Variants in EPC1 observed in about 807,000 individuals in gnomAD.
The protein encoded by EPC1 is enhancer of polycomb homolog 1.
A neutral mutation model predicts 98.4 loss-of-function variants in EPC1; 12 were observed. The observed-to-expected ratio is 0.12, with a 90% CI of 0.08 to 0.20. EPC1 has a LOEUF of 0.20. Among genes scored for constraint, EPC1 ranks in the 10% least tolerant of loss-of-function variants. EPC1 has a pLI of 1.00. For synonymous variants in EPC1, 357 were observed against 363.9 expected, an observed-to-expected ratio of 0.98 and a Z score of 0.21; for missense variants, 729 against 990.5, an observed-to-expected ratio of 0.74 and a Z score of 3.54.
At chr10:32,308,918 G>A (rs1836033034) in intron 1 of EPC1, among the ~76,000 whole-genome samples, 1 of 152,176 alleles carries the variant, frequency 6.6e-6, no homozygotes, top group Non-Finnish European at 1.5e-5. Context: ...TAAAGGAAAT[G>A]TGGAACTACA....
At chr10:32,305,654 A>T in intron 2 of EPC1, 118 bp downstream of exon 2, 1 of 715,066 alleles carries the variant, frequency 1.4e-6, no homozygotes, top group Non-Finnish European at 2.1e-6. Flanking sequence ...ACTAACTCTT[A>T]AGCTGATGCT....
chr10:32,290,505 A>AAG lies in EPC1; in HGVS notation c.975+657_975+658insCT, dbSNP rs1554819134. 3.1e-3 allele frequency among the ~76,000 whole-genome samples: 239 copies of AAG among 77,510 alleles called. 2 individuals carry two copies. The highest frequency in any genetic ancestry group is 0.022 in the Middle Eastern group (2 of 90). 50.8% of individuals were successfully genotyped at this position (77,510 alleles called of 152,430 possible). On this transcript the variant is annotated intron_variant, in intron 6 of 13. Transcript: ENST00000319778. ...TGTCAAAAAAAAAAAAAAAAAAAAA[A>AAG]AAAGAAAGAAAGAAAAACTCATCTG...
chr10:32,374,409 C>T (rs1221990113), intron 1 of EPC1: 1 of 152,156 alleles, frequency 6.6e-6, no homozygotes, highest in Non-Finnish European at 1.5e-5. Flanking sequence ...CTCAGAGGGA[C>T]ATGCCCAAAA....
intron 6 of EPC1, among the ~76,000 whole-genome samples, chr10:32,288,165 G>T (rs1441866609): frequency 1.3e-5 from 2 of 151,990 alleles, no homozygotes; most frequent in Non-Finnish European, 2.9e-5. Flanking sequence ...AAACCATAAG[G>T]CATCTCTCCA....
intron 1 of EPC1, among the ~76,000 whole-genome samples, chr10:32,330,250 G>C (rs2132963892): frequency 6.6e-6 from 1 of 152,274 alleles, no homozygotes; most frequent in African/African-American, 2.4e-5. Flanking sequence ...GCAAGAGATG[G>C]CAATACCTTG....
chr10:32,347,091 C>CCGCTCCTCTCT lies in EPC1; in HGVS notation c.-187_-177dup. 2 of 1,443,368 alleles carry CCGCTCCTCTCT rather than the reference C, an allele frequency of 1.4e-6. No homozygotes were observed. Among genetic ancestry groups the CCGCTCCTCTCT allele is most frequent in the South Asian group, 2.9e-5 (2 of 69,040 alleles). The allele number at this position is 1,443,368 out of a possible 1,614,324, so 89.4% of individuals were successfully genotyped here. ...CGGGAGGGTGGGAGGCTGTGCCGCT[C>CCGCTCCTCTCT]CGCTCCTCTCTCGCTCGCTCTCTTC... On this transcript the variant is annotated 5_prime_UTR_variant, in exon 1 of 14. Coordinates refer to ENST00000319778, the MANE Select transcript of EPC1 (RefSeq NM_001272004.3).
At chr10:32,345,483 A>G in intron 1 of EPC1, 1 of 985,474 alleles carries the variant, frequency 1.0e-6, no homozygotes, top group East Asian at 1.1e-4. Flanking sequence ...TTCCACAACA[A>G]AATTGTAGCA....
chr10:32,308,649 T>C (rs1836014711), intron 1 of EPC1, among the ~76,000 whole-genome samples: 3 of 152,184 alleles, frequency 2.0e-5, no homozygotes, highest in African/African-American at 7.2e-5. Flanking sequence ...TCATTAAAAA[T>C]GTTCCCACAG....
intron 1 of EPC1, among the ~76,000 whole-genome samples, chr10:32,371,427 C>T (rs534607066): frequency 6.6e-6 from 1 of 152,288 alleles, no homozygotes; most frequent in African/African-American, 2.4e-5. Flanking sequence ...CAAAATGACA[C>T]AGATTCAGGT....
At chr10:32,341,464 C>T (rs1258935102) in intron 1 of EPC1, among the ~76,000 whole-genome samples, 1 of 152,176 alleles carries the variant, frequency 6.6e-6, no homozygotes, top group African/African-American at 2.4e-5. Context: ...CCTGCCCACA[C>T]ATTCATGAAC....
upstream of EPC1, among the ~76,000 whole-genome samples, chr10:32,348,702 G>A (rs999962417): frequency 6.6e-6 from 1 of 152,182 alleles, no homozygotes; most frequent in African/African-American, 2.4e-5. Flanking sequence ...TGTGTATTGA[G>A]CCCTCATAGC....
intron 1 of EPC1, among the ~76,000 whole-genome samples, chr10:32,327,928 A>C (rs1428307501): frequency 6.6e-6 from 1 of 152,212 alleles, no homozygotes; most frequent in East Asian, 1.9e-4. Context: ...CAATTTTAAA[A>C]ACCCTAACAT....
upstream of EPC1, among the ~76,000 whole-genome samples, chr10:32,351,431 T>C (rs796442972): frequency 2.6e-5 from 4 of 151,656 alleles, no homozygotes; most frequent in African/African-American, 9.7e-5. Context: ...CCGAGGAGAG[T>C]GGATCACCTG....
intron 1 of EPC1, among the ~76,000 whole-genome samples, chr10:32,373,355 A>C (rs1466398006): frequency 1.3e-5 from 2 of 152,252 alleles, no homozygotes; most frequent in Non-Finnish European, 2.9e-5. Flanking sequence ...AAATTAGCCC[A>C]CAAGTGACAT....
chr10:32,353,182 G>T (rs565564904), intron 1 of EPC1, among the ~76,000 whole-genome samples: 278 of 146,914 alleles, frequency 1.9e-3, no homozygotes, highest in Non-Finnish European at 3.5e-3. Context: ...AGCAAAAAAA[G>T]AAATCCCTGG....
chr10:32,296,495 T>C (rs868790345), intron 2 of EPC1, among the ~76,000 whole-genome samples: 3 of 152,158 alleles, frequency 2.0e-5, no homozygotes, highest in Non-Finnish European at 4.4e-5. Context: ...AAAGGATGAT[T>C]TCTATCATAT....
intron 2 of EPC1, among the ~76,000 whole-genome samples, chr10:32,303,832 A>G (rs1379868729): frequency 2.6e-5 from 4 of 152,232 alleles, no homozygotes. Flanking sequence ...AGATTGTACC[A>G]ATTTCAATTT....
At chr10:32,359,631 T>C (rs1839380516) in intron 1 of EPC1, among the ~76,000 whole-genome samples, 1 of 152,190 alleles carries the variant, frequency 6.6e-6, no homozygotes, top group Non-Finnish European at 1.5e-5. Context: ...TGAATGATAG[T>C]TTTACCCTAT....
intron 1 of EPC1, among the ~76,000 whole-genome samples, chr10:32,337,326 T>C (rs1564554608): frequency 6.6e-6 from 1 of 152,218 alleles, no homozygotes; most frequent in South Asian, 2.1e-4. Context: ...CTCAGCCCTA[T>C]GAGCTTCCCA....
Sources: gnomAD v4.1 joint callset for allele counts (sites outside exome capture counted in the v4.1 genomes callset) on GRCh38, gnomAD v4.1.1 for gene constraint, MANE v1.5 for transcripts, NCBI Gene and HGNC (gene_info 2026-07-23, HGNC 2026-07-21) for gene names.